The following LRRIQ3 variants were observed in gnomAD, a reference collection of about 807,000 sequenced individuals.
LRRIQ3 encodes leucine-rich repeat and IQ domain-containing protein 3.
Under a neutral mutation model 59.3 loss-of-function variants are expected in LRRIQ3, and 75 were observed. The ratio of observed to expected loss-of-function variants is 1.26; its 90% confidence interval spans 1.05 to 1.53. The LOEUF is 1.53. Among genes scored for constraint, LRRIQ3 ranks in the 40% most tolerant of loss-of-function variants. The probability of loss-of-function intolerance (pLI) is 0.00; values close to 1 mark genes in which losing one functional copy is unlikely to be tolerated. For missense variants in LRRIQ3, 831 were observed against 710.0 expected, an observed-to-expected ratio of 1.17 and a Z score of -1.94; for synonymous variants, 250 against 231.3, an observed-to-expected ratio of 1.08 and a Z score of -0.73.
rs180959040 is a variant in LRRIQ3 at position 74,177,519 on chromosome 1, A to T, written c.573+5019T>A. Among the ~76,000 whole-genome samples the T allele has an allele frequency of 2.6e-5, 4 of 152,142 alleles. No individual in the cohort carries two copies. The East Asian group carries it at 7.7e-4, about 29-fold the overall frequency. On this transcript the variant is annotated intron_variant, in intron 3 of 7. Transcript: ENST00000354431. ...AGAAAAACAAACCAGGAAAATGAAG[A>T]ATTTACCACTGTGTCATTCCTTGCG...
chr1:74,035,669 T>C (rs1169318886), intron 7 of LRRIQ3, among the ~76,000 whole-genome samples: 1 of 152,156 alleles, frequency 6.6e-6, no homozygotes, highest in Non-Finnish European at 1.5e-5. Flanking sequence ...AAATGCAATA[T>C]ATCTTTCTGG....
At chr1:74,197,384 A>T (rs1167234791) in intron 1 of LRRIQ3, among the ~76,000 whole-genome samples, 1 of 152,166 alleles carries the variant, frequency 6.6e-6, no homozygotes, top group Non-Finnish European at 1.5e-5. Flanking sequence ...TACCTTGACT[A>T]ACTCACTATT....
At chr1:74,076,899 C>A (rs1252720245) in intron 5 of LRRIQ3, among the ~76,000 whole-genome samples, 1 of 151,980 alleles carries the variant, frequency 6.6e-6, no homozygotes, top group African/African-American at 2.4e-5. Flanking sequence ...GATAAAATCA[C>A]CTCATTTTGC....
intron 6 of LRRIQ3, among the ~76,000 whole-genome samples, chr1:74,066,467 C>G (rs760962246): frequency 2.0e-5 from 3 of 152,016 alleles, no homozygotes; most frequent in Non-Finnish European, 4.4e-5. Context: ...ATAACCACAG[C>G]TACTTTTCAT....
intron 5 of LRRIQ3, chr1:74,078,674 C>G (rs942031451): frequency 6.6e-6 from 1 of 151,764 alleles, no homozygotes; most frequent in African/African-American, 2.4e-5. Flanking sequence ...TTCTGAAGAA[C>G]TATGTCAGAT....
chr1:74,166,685 A>G (rs947778353), intron 3 of LRRIQ3, among the ~76,000 whole-genome samples: 1 of 151,810 alleles, frequency 6.6e-6, no homozygotes, highest in Non-Finnish European at 1.5e-5. Context: ...TTTTCCTCTA[A>G]GCATTGCCTT....
intron 4 of LRRIQ3, among the ~76,000 whole-genome samples, chr1:74,154,925 G>A (rs1042696743): frequency 2.6e-5 from 4 of 152,090 alleles, no homozygotes; most frequent in Admixed American, 2.0e-4. Context: ...CCTCATACTT[G>A]TTTCTCTTTA....
intron 6 of LRRIQ3, among the ~76,000 whole-genome samples, chr1:74,074,418 A>G (rs1646178058): frequency 6.6e-6 from 1 of 152,128 alleles, no homozygotes. Context: ...AATTTCTTCC[A>G]GTCACTACTC....
At chr1:74,166,751 T>A (rs76375681) in intron 3 of LRRIQ3, among the ~76,000 whole-genome samples, 2,495 of 151,880 alleles carry the variant, frequency 0.016, 70 homozygotes, top group African/African-American at 0.057. Context: ...CAGTTAACCA[T>A]TTCTTTATTT....
At position 74,041,417 on chromosome 1, in the gene LRRIQ3, A is replaced by T; in HGVS notation, c.1514T>A (p.Leu505Gln). Residue 505 changes from leucine (L) to glutamine (Q), a missense_variant, in exon 7 of 8, where the codon CTA (leucine) becomes CAA (glutamine). Transcript: ENST00000354431. ...TGAAGCCTTTTGGGATTTTTCTTTT[A>T]GAAACAGAGCTTTTCTCTCTCTAGC... ...EKARERKALF[L>Q]KEKSQKASER... 1 of 1,613,796 alleles carries T rather than the reference A, an allele frequency of 6.2e-7. No individual in the cohort carries two copies. Among genetic ancestry groups the T allele is most frequent in the South Asian group, 1.1e-5 (1 of 91,068 alleles).
At chr1:74,048,774 C>T (rs1654277574) in intron 6 of LRRIQ3, among the ~76,000 whole-genome samples, 1 of 151,950 alleles carries the variant, frequency 6.6e-6, no homozygotes, top group Non-Finnish European at 1.5e-5. Flanking sequence ...ATATAGAAGT[C>T]CAATAATAAT....
chr1:74,099,064 T>C lies in LRRIQ3; in HGVS notation c.867+10330A>G, dbSNP rs560861276. ...AGAAATAACTAAGATCAGAGCAGAATTGAAGGAGATAGAGACACAAAAAAA... is the reference window on the plus strand; with the variant it reads ...AGAAATAACTAAGATCAGAGCAGAACTGAAGGAGATAGAGACACAAAAAAA... On this transcript the variant is annotated intron_variant, in intron 5 of 7. Transcript: ENST00000354431. Among the ~76,000 whole-genome samples the C allele has an allele frequency of 6.8e-3, 1,035 of 151,786 alleles. 5 individuals carry two copies. Among genetic ancestry groups the C allele is most frequent in the Non-Finnish European group, 0.012 (798 of 67,868 alleles).
In LRRIQ3 at chr1:74,138,244, A is replaced by T. The variant is rs1241011479; in HGVS notation, c.707+17489T>A. 2.6e-5 allele frequency among the ~76,000 whole-genome samples: 4 copies of T among 151,934 alleles called. No homozygotes were observed. The East Asian group carries it at 7.7e-4, about 29-fold the overall frequency. On this transcript the variant is annotated intron_variant, in intron 4 of 7. Transcript: ENST00000354431. Reference sequence around the variant, plus strand: ...GGATGTATGATTACAAGTATGGGGTAGAGGTCAGTACAGATAAGCATAAAG... The same window carrying T: ...GGATGTATGATTACAAGTATGGGGTTGAGGTCAGTACAGATAAGCATAAAG...
At chr1:74,070,568 C>A (rs769184764) in intron 6 of LRRIQ3, among the ~76,000 whole-genome samples, 1 of 151,912 alleles carries the variant, frequency 6.6e-6, no homozygotes, top group Non-Finnish European at 1.5e-5. Context: ...GTACACCAAA[C>A]CCCTGTGACA....
intron 1 of LRRIQ3, among the ~76,000 whole-genome samples, chr1:74,187,115 A>T (rs1650444006): frequency 6.6e-6 from 1 of 152,156 alleles, no homozygotes; most frequent in South Asian, 2.1e-4. Flanking sequence ...GGAAAACAGT[A>T]TGGAAATTCC....
intron 4 of LRRIQ3, among the ~76,000 whole-genome samples, chr1:74,129,855 C>T (rs1646986894): frequency 6.6e-6 from 1 of 151,884 alleles, no homozygotes; most frequent in Non-Finnish European, 1.5e-5. Flanking sequence ...TCTCTTCTGG[C>T]CCAGGGTATG....
intron 5 of LRRIQ3, among the ~76,000 whole-genome samples, chr1:74,094,598 T>A (rs188266282): frequency 6.6e-6 from 1 of 152,208 alleles, no homozygotes; most frequent in African/African-American, 2.4e-5. Flanking sequence ...TATAAAGGAA[T>A]GAATTTATCC....
At chr1:74,124,755 AC>A (rs919112830) in intron 4 of LRRIQ3, among the ~76,000 whole-genome samples, 1 of 151,946 alleles carries the variant, frequency 6.6e-6, no homozygotes, top group Non-Finnish European at 1.5e-5. Flanking sequence ...TGTTTTGGTT[AC>A]TATATCTCTG....
intron 6 of LRRIQ3, among the ~76,000 whole-genome samples, chr1:74,045,140 C>G (rs899243132): frequency 6.6e-6 from 1 of 152,064 alleles, no homozygotes; most frequent in Non-Finnish European, 1.5e-5. Context: ...ATACCAAGAC[C>G]TGGCACAGAC....
Sources: allele counts gnomAD v4.1 joint callset (sites outside exome capture counted in the v4.1 genomes callset), GRCh38; gene constraint gnomAD v4.1.1; transcripts MANE v1.5; gene names NCBI Gene and HGNC (gene_info 2026-07-23, HGNC 2026-07-21).